ZBTB10: variants seen among roughly 807,000 people sequenced by gnomAD.
ZBTB10 encodes zinc finger and BTB domain containing 10.
A neutral mutation model predicts 76.4 loss-of-function variants in ZBTB10; 32 were observed. The ratio of observed to expected loss-of-function variants is 0.42; its 90% CI spans 0.32 to 0.56. The LOEUF (loss-of-function observed/expected upper bound fraction) is 0.56. Among genes scored for constraint, ZBTB10 ranks in the 20% least tolerant of loss-of-function variants. The pLI, the probability that ZBTB10 is intolerant of heterozygous loss-of-function variation, is 0.14. For missense variants in ZBTB10, 1,057 were observed against 1,098.5 expected, an observed-to-expected ratio of 0.96 and a Z score of 0.53; for synonymous variants, 523 against 432.9, an observed-to-expected ratio of 1.21 and a Z score of -2.58.
At chr8:80,486,048 C>A (rs2131463402), upstream of ZBTB10, 7 of 1,035,642 alleles carry the variant, frequency 6.8e-6, no homozygotes, top group East Asian at 1.9e-4. Flanking sequence ...TCCCCGCGGC[C>A]GCACCCCCGC....
intron 1 of ZBTB10, among the ~76,000 whole-genome samples, chr8:80,495,307 G>A (rs1389684377): frequency 1.3e-5 from 2 of 151,950 alleles, no homozygotes; most frequent in Admixed American, 6.6e-5. Flanking sequence ...TTTGCATTCC[G>A]TAGGGCTTTT....
At chr8:80,513,843 A>G (rs1185091852) in intron 2 of ZBTB10, 67 bp from the exon 3 acceptor site, 3 of 1,222,944 alleles carry the variant, frequency 2.5e-6, no homozygotes, top group African/African-American at 1.5e-5. Context: ...GTTCCAAGAA[A>G]GAGTGGTGTT....
Position 80,520,700 on chromosome 8 carries a change from C to T in ZBTB10, c.*1172C>T, listed in dbSNP as rs1307236731. 1 of 151,946 alleles carries T rather than the reference C, an allele frequency of 6.6e-6. No homozygotes were observed. Among genetic ancestry groups the T allele is most frequent in the Non-Finnish European group, 1.5e-5 (1 of 67,906 alleles). The allele number at this position is 151,946 out of a possible 1,614,324, so 9.4% of individuals were successfully genotyped here. On this transcript the variant is annotated 3_prime_UTR_variant, in exon 6 of 6. Transcript: ENST00000455036. ...TTTTTCTGTCCTTGAAGTCACTACA[C>T]CTTGATACAGTCTTTCTAGTAGTCA...
chr8:80,488,160 C>T (rs537208302), intron 1 of ZBTB10, among the ~76,000 whole-genome samples: 1 of 152,322 alleles, frequency 6.6e-6, no homozygotes, highest in Admixed American at 6.5e-5. Flanking sequence ...CTGGTCTATG[C>T]TCACAGACGT....
intron 1 of ZBTB10, among the ~76,000 whole-genome samples, chr8:80,488,453 T>A (rs183020416): frequency 2.0e-5 from 3 of 152,344 alleles, no homozygotes; most frequent in Admixed American, 2.0e-4. Context: ...TTACTCAGAT[T>A]TTTGTGCTGA....
intron 2 of ZBTB10, 56 bp downstream of exon 2, chr8:80,500,438 T>C: frequency 9.3e-6 from 13 of 1,397,622 alleles, no homozygotes; most frequent in Non-Finnish European, 1.0e-5. Flanking sequence ...TAGTTGGATA[T>C]AATCTTGAAG....
intron 1 of ZBTB10, among the ~76,000 whole-genome samples, chr8:80,495,926 G>C (rs1320595999): frequency 6.6e-6 from 1 of 152,174 alleles, no homozygotes; most frequent in Non-Finnish European, 1.5e-5. Context: ...TTCATATTTA[G>C]CTCTGAATGT....
At chr8:80,517,537 T>C (rs1434167392) in intron 3 of ZBTB10, among the ~76,000 whole-genome samples, 1 of 152,184 alleles carries the variant, frequency 6.6e-6, no homozygotes, top group African/African-American at 2.4e-5. Flanking sequence ...CAGGGAACCC[T>C]GAGAGCATTC....
chr8:80,511,642 A>G (rs866105131), intron 2 of ZBTB10, among the ~76,000 whole-genome samples: 57 of 152,322 alleles, frequency 3.7e-4, no homozygotes, highest in Middle Eastern at 6.8e-3. Context: ...ATGCCTGGCC[A>G]ATTTTATTTT....
At chr8:80,518,625 G>GT in intron 4 of ZBTB10, 46 bp downstream of exon 4, 1 of 1,513,946 alleles carries the variant, frequency 6.6e-7, no homozygotes. Flanking sequence ...TTAAATAATT[G>GT]TTAACAATTA....
At chr8:80,507,997 G>A (rs573568627) in intron 2 of ZBTB10, among the ~76,000 whole-genome samples, 136 of 152,280 alleles carry the variant, frequency 8.9e-4, no homozygotes, top group African/African-American at 3.1e-3. Context: ...ATGGTAGTAG[G>A]CAACCATATG....
rs908104817 is a variant in ZBTB10 at position 80,519,011 on chromosome 8, G to A, written c.2310+57G>A. On this transcript the variant is annotated intron_variant, in intron 5 of 5. Transcript: ENST00000455036. ...GATAAACTATATTTATGTCAGTGAA[G>A]TTTAAAGGGATTTAAACAGTTAATT... 5.9e-6 allele frequency: 9 copies of A among 1,513,112 alleles called. No homozygotes were observed. In the African/African-American group the frequency reaches 9.7e-5, roughly 16 times the overall value. 93.7% of individuals were successfully genotyped at this position (1,513,112 alleles called of 1,614,324 possible).
Position 80,519,633 on chromosome 8 carries a change from G to A in ZBTB10, c.*105G>A. 7.8e-7 allele frequency: 1 copy of A among 1,278,398 alleles called. No homozygotes were observed. 79.2% of individuals were successfully genotyped at this position (1,278,398 alleles called of 1,614,324 possible). A position where few individuals can be genotyped will look rare whatever the true frequency, so the allele number is the denominator to read the frequency against. ...TGCAAAATATGGTACATGCTGGATA[G>A]TAGTTATGTTGCTGTGAAAACTGTA... On this transcript the variant is annotated 3_prime_UTR_variant, in exon 6 of 6. Transcript: ENST00000455036.
At chr8:80,503,022 A>G (rs1815964075) in intron 2 of ZBTB10, among the ~76,000 whole-genome samples, 1 of 152,192 alleles carries the variant, frequency 6.6e-6, no homozygotes, top group Non-Finnish European at 1.5e-5. Flanking sequence ...AAAGTTCTAC[A>G]GGTAATTTTA....
intron 1 of ZBTB10, among the ~76,000 whole-genome samples, chr8:80,490,314 G>C (rs1214250954): frequency 1.3e-5 from 2 of 151,978 alleles, no homozygotes; most frequent in Non-Finnish European, 2.9e-5. Flanking sequence ...GGAGTGCAGT[G>C]GTGAGATAAA....
At chr8:80,500,435 A>T in intron 2 of ZBTB10, 53 bp downstream of exon 2, 1 of 1,415,792 alleles carries the variant, frequency 7.1e-7, no homozygotes. Context: ...TTCTAGTTGG[A>T]TATAATCTTG....
chr8:80,516,410 G>A lies in ZBTB10; in HGVS notation c.1961-1993G>A, dbSNP rs535899461. 4.6e-5 allele frequency among the ~76,000 whole-genome samples: 7 copies of A among 152,342 alleles called. No homozygotes were observed. In the South Asian group the frequency reaches 1.2e-3, roughly 27 times the overall value. ...TTAAACAATAGAAAAACCAAGGCAA[G>A]TAAGATAGGCGCAGGAGTTTGTACT... On this transcript the variant is annotated intron_variant, in intron 3 of 5. Transcript: ENST00000455036.
At chr8:80,499,377 C>A in intron 1 of ZBTB10, 117 bp from the exon 2 acceptor site, 1 of 1,154,574 alleles carries the variant, frequency 8.7e-7, no homozygotes, top group Non-Finnish European at 1.2e-6. Context: ...CTTGATTACT[C>A]ACAAATTAAT....
At chr8:80,490,964 G>A (rs537483132) in intron 1 of ZBTB10, among the ~76,000 whole-genome samples, 5 of 152,298 alleles carry the variant, frequency 3.3e-5, no homozygotes, top group Non-Finnish European at 5.9e-5. Context: ...AGCACTTTGC[G>A]GGGCCGAGGT....
Sources: gnomAD v4.1 joint callset for allele counts (sites outside exome capture counted in the v4.1 genomes callset) on GRCh38, gnomAD v4.1.1 for gene constraint, MANE v1.5 for transcripts, NCBI Gene and HGNC (gene_info 2026-07-23, HGNC 2026-07-21) for gene names.